The following ARMC3 variants were observed in gnomAD, a reference collection of about 807,000 sequenced individuals.
The protein encoded by ARMC3 is armadillo repeat containing 3.
In ARMC3, 74 loss-of-function variants were observed where a neutral mutation model predicts 90.3. The ratio of observed to expected loss-of-function variants is 0.82; its 90% confidence interval spans 0.68 to 0.99. ARMC3 has a LOEUF of 0.99. Ranked by LOEUF, ARMC3 falls within the 50% of genes least tolerant of loss-of-function variation. The pLI, the probability that ARMC3 is intolerant of heterozygous loss-of-function variation, is 0.00. For missense variants in ARMC3, 958 were observed against 1,042.8 expected (o/e 0.92, Z 1.12); for synonymous variants, 334 against 361.8 (o/e 0.92, Z 0.87).
At chr10:23,018,816 G>A (rs780572477) in intron 16 of ARMC3, among the ~76,000 whole-genome samples, 27 of 151,990 alleles carry the variant, frequency 1.8e-4, no homozygotes, top group Non-Finnish European at 3.7e-4. Flanking sequence ...ATGCCTGGCC[G>A]CACCTTGGTA....
rs990409458 is a variant in ARMC3 at position 22,998,351 on chromosome 10, C to T, written c.1379C>T (p.Ala460Val). 2.5e-6 allele frequency: 4 copies of T among 1,613,958 alleles called. No homozygotes were observed. Among genetic ancestry groups the T allele is most frequent in the Admixed American group, 3.3e-5 (2 of 59,992 alleles). Residue 460 changes from alanine to valine, a missense_variant, in exon 11 of 19, where the codon GCT (alanine) becomes GTT (valine). Coordinates refer to ENST00000298032, the MANE Select transcript of ARMC3 (RefSeq NM_173081.5). ...AACACAGTCGTGCAGAGCAAAGCTG[C>T]TCTCGCTGTCACCGCAACTGCGTGT... ...SANTVVQSKA[A>V]LAVTATACDV...
chr10:23,002,567 TTTCTTTCTTTCTTTC>T (rs1001139627), intron 12 of ARMC3, among the ~76,000 whole-genome samples: 14 of 138,318 alleles, frequency 1.0e-4, no homozygotes, highest in Non-Finnish European at 1.9e-4. Flanking sequence ...TCTTTCTTTC[TTTCTTTCTTTCTTTC>T]TTTTTCTTTC....
At position 23,030,692 on chromosome 10, in the gene ARMC3, A is replaced by G; in HGVS notation, c.2142A>G (p.Glu714=). 2.5e-6 allele frequency: 4 copies of G among 1,613,962 alleles called. No homozygotes were observed. Among genetic ancestry groups the G allele is most frequent in the Non-Finnish European group, 2.5e-6 (3 of 1,179,894 alleles). Residue 714 remains glutamate (E), a synonymous_variant, in exon 17 of 19, where the codon GAA becomes GAG. Coordinates refer to ENST00000298032, the MANE Select transcript of ARMC3 (RefSeq NM_173081.5). ...KFVGEGSSDK[E]WCPPSDPDFS... ...TTGGTGAAGGAAGCTCTGACAAAGAATGGTGTCCTCCCTCTGACCCTGATT... is the reference window on the plus strand; with the variant it reads ...TTGGTGAAGGAAGCTCTGACAAAGAGTGGTGTCCTCCCTCTGACCCTGATT...
At chr10:22,973,870 T>C (rs1437420051) in intron 8 of ARMC3, among the ~76,000 whole-genome samples, 2 of 150,638 alleles carry the variant, frequency 1.3e-5, no homozygotes, top group Non-Finnish European at 3.0e-5. Flanking sequence ...ACCATTCTGC[T>C]GCCTCAGCCT....
At chr10:23,031,281 C>T (rs2131566933) in intron 17 of ARMC3, 1 of 162,604 alleles carries the variant, frequency 6.1e-6, no homozygotes, top group African/African-American at 2.4e-5. Flanking sequence ...TAAACAATGG[C>T]TGCTTAGGCA....
chr10:22,970,167 A>T (rs1022990535), intron 8 of ARMC3, among the ~76,000 whole-genome samples: 1 of 152,224 alleles, frequency 6.6e-6, no homozygotes, highest in Non-Finnish European at 1.5e-5. Context: ...ACAGACCTGG[A>T]TCAGAAAAAT....
At chr10:22,981,223 C>G in intron 8 of ARMC3, 117 bp from the exon 9 acceptor site, 1 of 907,272 alleles carries the variant, frequency 1.1e-6, no homozygotes, top group East Asian at 2.7e-5. Context: ...AGTTTAGACT[C>G]TGGTACTAAA....
chr10:23,013,776 T>C (rs1348207019), intron 16 of ARMC3, among the ~76,000 whole-genome samples: 1 of 152,194 alleles, frequency 6.6e-6, no homozygotes, highest in African/African-American at 2.4e-5. Flanking sequence ...ATTCTATCTC[T>C]TCCATAGCCT....
At chr10:22,977,791 A>T (rs1360076148) in intron 8 of ARMC3, among the ~76,000 whole-genome samples, 3 of 152,236 alleles carry the variant, frequency 2.0e-5, no homozygotes, top group Non-Finnish European at 4.4e-5. Context: ...AAGATAGATG[A>T]TTCCACGAAG....
At chr10:22,945,274 CAAAG>C (rs1834482024) in intron 2 of ARMC3, among the ~76,000 whole-genome samples, 1 of 152,140 alleles carries the variant, frequency 6.6e-6, no homozygotes, top group Non-Finnish European at 1.5e-5. Context: ...AATGCCAACA[CAAAG>C]AACCAGCTAA....
chr10:22,998,471 T>C, intron 11 of ARMC3, 74 bp downstream of exon 11: 1 of 1,551,358 alleles, frequency 6.4e-7, no homozygotes, highest in East Asian at 2.3e-5. Context: ...GGAAACATTT[T>C]TAAGTGATTG....
chr10:22,984,187 C>A (rs1033204366), intron 10 of ARMC3, among the ~76,000 whole-genome samples: 2 of 152,108 alleles, frequency 1.3e-5, no homozygotes, highest in African/African-American at 4.8e-5. Flanking sequence ...AAAACGTAAC[C>A]CTTCTCCTAC....
At chr10:23,036,593 G>A (rs1211164745) in intron 18 of ARMC3, among the ~76,000 whole-genome samples, 1 of 152,194 alleles carries the variant, frequency 6.6e-6, no homozygotes, top group Non-Finnish European at 1.5e-5. Context: ...TTGCTGGGGT[G>A]CGCGGCTAGT....
intron 13 of ARMC3, among the ~76,000 whole-genome samples, chr10:23,005,446 T>C (rs1262491659): frequency 2.0e-5 from 3 of 152,164 alleles, no homozygotes; most frequent in Admixed American, 1.3e-4. Context: ...GTTTCGGATA[T>C]TGGAGGCTGT....
chr10:22,997,511 T>C (rs1837043535), intron 10 of ARMC3, among the ~76,000 whole-genome samples: 1 of 152,236 alleles, frequency 6.6e-6, no homozygotes. Context: ...TATATACATA[T>C]CATGACTTTG....
intron 16 of ARMC3, among the ~76,000 whole-genome samples, chr10:23,026,592 G>C (rs1588938867): frequency 1.3e-5 from 2 of 152,100 alleles, no homozygotes; most frequent in Non-Finnish European, 2.9e-5. Flanking sequence ...GGCATAAAAG[G>C]TAATTGCCTC....
intron 14 of ARMC3, 114 bp from the exon 15 acceptor site, chr10:23,008,162 G>A (rs1044188188): frequency 3.7e-5 from 21 of 562,860 alleles, no homozygotes; most frequent in Non-Finnish European, 5.9e-5. Flanking sequence ...GTATGTCACT[G>A]TTAAAAGTCA....
At chr10:22,984,219 A>C (rs1256748169) in intron 10 of ARMC3, among the ~76,000 whole-genome samples, 1 of 152,198 alleles carries the variant, frequency 6.6e-6, no homozygotes, top group East Asian at 1.9e-4. Context: ...AATGTGCCTA[A>C]AGTGAATTTT....
chr10:22,961,662 G>A (rs2131259169), intron 6 of ARMC3: 1 of 463,278 alleles, frequency 2.2e-6, no homozygotes, highest in South Asian at 3.1e-5. Context: ...CATAGATCAT[G>A]TATATTTTCT....
Sources: allele counts gnomAD v4.1 joint callset (sites outside exome capture counted in the v4.1 genomes callset), GRCh38; gene constraint gnomAD v4.1.1; transcripts MANE v1.5; gene names NCBI Gene and HGNC (gene_info 2026-07-23, HGNC 2026-07-21).